SLC38A6: variants seen among roughly 807,000 people sequenced by gnomAD.
SLC38A6 encodes N system amino acid transporter NAT-1.
SLC38A6 carries 73 observed loss-of-function variants against 65.0 expected under a neutral mutation model. The ratio of observed to expected loss-of-function variants is 1.12; its 90% CI spans 0.93 to 1.37. The LOEUF is 1.37. Ranked by LOEUF, SLC38A6 falls within the 40% of genes most tolerant of loss-of-function variation. The pLI, the probability that SLC38A6 is intolerant of heterozygous loss-of-function variation, is 0.00. For synonymous variants in SLC38A6, 183 were observed against 178.8 expected (o/e 1.02, Z -0.19); for missense variants, 561 against 531.1 (o/e 1.06, Z -0.55).
At chr14:61,004,146 T>C (rs1348191996) in intron 3 of SLC38A6, among the ~76,000 whole-genome samples, 2 of 152,204 alleles carry the variant, frequency 1.3e-5, no homozygotes, top group Non-Finnish European at 2.9e-5. Context: ...AAATAAGTTT[T>C]AAATTTCAGG....
At chr14:61,009,040 G>T (rs903829156) in intron 3 of SLC38A6, among the ~76,000 whole-genome samples, 1 of 152,188 alleles carries the variant, frequency 6.6e-6, no homozygotes, top group African/African-American at 2.4e-5. Flanking sequence ...ATTCTAAGAG[G>T]ACTCTATTCT....
intron 3 of SLC38A6, among the ~76,000 whole-genome samples, chr14:61,012,325 A>G (rs1207671417): frequency 6.6e-6 from 1 of 152,082 alleles, no homozygotes; most frequent in Non-Finnish European, 1.5e-5. Flanking sequence ...TGATCTGTTC[A>G]AAAAAGCAGC....
intron 15 of SLC38A6, among the ~76,000 whole-genome samples, chr14:61,071,623 C>T (rs1425292739): frequency 4.6e-5 from 7 of 151,012 alleles, no homozygotes; most frequent in African/African-American, 1.7e-4. Context: ...GTTGAGGCTG[C>T]AGTGAGTTGT....
intron 3 of SLC38A6, among the ~76,000 whole-genome samples, chr14:61,015,234 C>T (rs374806064): frequency 8.5e-5 from 13 of 152,310 alleles, no homozygotes; most frequent in South Asian, 2.1e-4. Context: ...ATTGGAAAAG[C>T]GCAGTATTAG....
chr14:60,999,030 C>G (rs1434217506), intron 3 of SLC38A6, among the ~76,000 whole-genome samples: 1 of 152,186 alleles, frequency 6.6e-6, no homozygotes, highest in Non-Finnish European at 1.5e-5. Flanking sequence ...CATATACTAC[C>G]TATTGTATTC....
intron 1 of SLC38A6, among the ~76,000 whole-genome samples, chr14:60,982,021 A>AT (rs1196661247): frequency 6.6e-6 from 1 of 152,176 alleles, no homozygotes; most frequent in African/African-American, 2.4e-5. Context: ...TAATATTGTC[A>AT]TTGCAAGATA....
intron 3 of SLC38A6, among the ~76,000 whole-genome samples, chr14:61,001,876 C>T (rs1344623590): frequency 6.6e-6 from 1 of 152,130 alleles, no homozygotes; most frequent in Non-Finnish European, 1.5e-5. Context: ...TAGTCAGTAT[C>T]TTTTTATCTT....
At chr14:61,020,346 G>C (rs1380923460) in intron 5 of SLC38A6, among the ~76,000 whole-genome samples, 1 of 152,100 alleles carries the variant, frequency 6.6e-6, no homozygotes, top group Non-Finnish European at 1.5e-5. Context: ...ATGTACTTTG[G>C]ATCTTATACA....
intron 15 of SLC38A6, among the ~76,000 whole-genome samples, chr14:61,070,920 G>T (rs2043206371): frequency 1.3e-5 from 2 of 152,020 alleles, no homozygotes; most frequent in Non-Finnish European, 2.9e-5. Context: ...AGTTGTTGTA[G>T]TTCCTTCTAT....
At chr14:61,010,765 G>C (rs145104922) in intron 3 of SLC38A6, among the ~76,000 whole-genome samples, 1 of 152,062 alleles carries the variant, frequency 6.6e-6, no homozygotes, top group Non-Finnish European at 1.5e-5. Flanking sequence ...TACCAGTACC[G>C]TGCTGTTTTG....
downstream of SLC38A6, among the ~76,000 whole-genome samples, chr14:61,054,341 TGCCCTGGCTATTCAG>T (rs1177670641): frequency 6.6e-5 from 10 of 152,330 alleles, no homozygotes; most frequent in Middle Eastern, 6.8e-3. Flanking sequence ...TGCTTAGGAT[TGCCCTGGCTATTCAG>T]GCCCTTTTTT....
At chr14:61,032,210 A>G (rs2041042492) in intron 6 of SLC38A6, among the ~76,000 whole-genome samples, 1 of 151,934 alleles carries the variant, frequency 6.6e-6, no homozygotes, top group Admixed American at 6.6e-5. Flanking sequence ...AACAGTTGTC[A>G]CAAGTGTTTT....
chr14:61,013,040 A>C lies in SLC38A6; in HGVS notation c.311-2864A>C, dbSNP rs550384877. ...GTCTAAGTCTCTTTGTAGGTCTCTAAGGACTTGCTTTATGAATCTGGGTGC... is the reference window on the plus strand; with the variant it reads ...GTCTAAGTCTCTTTGTAGGTCTCTACGGACTTGCTTTATGAATCTGGGTGC... On this transcript the variant is annotated intron_variant, in intron 3 of 15. Coordinates refer to ENST00000267488, the MANE Select transcript of SLC38A6 (RefSeq NM_153811.3). Among the ~76,000 whole-genome samples the C allele has an allele frequency of 3.9e-5, 6 of 152,254 alleles. No individual in the cohort carries two copies. The South Asian group carries it at 1.0e-3, about 26-fold the overall frequency.
At chr14:61,074,441 G>T (rs1356544900) in intron 15 of SLC38A6, among the ~76,000 whole-genome samples, 1 of 152,144 alleles carries the variant, frequency 6.6e-6, no homozygotes, top group African/African-American at 2.4e-5. Flanking sequence ...CCTCTTCCTG[G>T]CTTGCAAATG....
At chr14:61,078,567 G>A (rs1053833624) in intron 15 of SLC38A6, among the ~76,000 whole-genome samples, 54 of 152,044 alleles carry the variant, frequency 3.6e-4, no homozygotes, top group African/African-American at 1.1e-3. Flanking sequence ...TAGTGCCATC[G>A]TCTTCCAAAA....
intron 3 of SLC38A6, among the ~76,000 whole-genome samples, chr14:60,999,943 T>C (rs902328774): frequency 3.9e-5 from 6 of 152,224 alleles, no homozygotes; most frequent in Non-Finnish European, 8.8e-5. Context: ...TTTTAAGCCA[T>C]GAAGTTTGTG....
chr14:61,079,734 A>G (rs2140001087), intron 16 of SLC38A6, among the ~76,000 whole-genome samples: 1 of 152,290 alleles, frequency 6.6e-6, no homozygotes, highest in Non-Finnish European at 1.5e-5. Flanking sequence ...TCCTCCATCC[A>G]GAACCTGCCT....
intron 3 of SLC38A6, among the ~76,000 whole-genome samples, chr14:61,013,852 A>G (rs1048222533): frequency 1.3e-5 from 2 of 152,066 alleles, no homozygotes; most frequent in South Asian, 2.1e-4. Context: ...GAATCTGACA[A>G]TTATATGTTT....
chr14:61,043,579 T>C (rs1458477517), intron 10 of SLC38A6, 76 bp downstream of exon 10: 2 of 1,058,892 alleles, frequency 1.9e-6, no homozygotes, highest in African/African-American at 3.2e-5. Context: ...TAACAGGGTC[T>C]CTTAGGTCTT....
Sources: allele counts gnomAD v4.1 joint callset (sites outside exome capture counted in the v4.1 genomes callset), GRCh38; gene constraint gnomAD v4.1.1; transcripts MANE v1.5; gene names NCBI Gene and HGNC (gene_info 2026-07-23, HGNC 2026-07-21).